Variants in EYA1 observed in about 807,000 individuals in gnomAD.
EYA1 encodes protein phosphatase EYA1.
In EYA1, 16 loss-of-function variants were observed where a neutral mutation model predicts 82.0. That is an observed-to-expected ratio of 0.20 (90% CI 0.13 to 0.30). EYA1 has a LOEUF of 0.30. Among genes scored for constraint, EYA1 ranks in the 10% least tolerant of loss-of-function variants. The pLI is 1.00. For missense variants in EYA1, 633 were observed against 730.7 expected, an observed-to-expected ratio of 0.87 and a Z score of 1.54; for synonymous variants, 261 against 264.4, an observed-to-expected ratio of 0.99 and a Z score of 0.12.
chr8:71,249,370 G>A (rs192981476), intron 11 of EYA1, among the ~76,000 whole-genome samples: 1 of 152,108 alleles, frequency 6.6e-6, no homozygotes, highest in African/African-American at 2.4e-5. Context: ...GAGGCCTCAG[G>A]AAACCTACAA....
chr8:71,282,599 C>G (rs1024347095), intron 9 of EYA1, among the ~76,000 whole-genome samples: 3 of 152,178 alleles, frequency 2.0e-5, no homozygotes, highest in African/African-American at 7.2e-5. Flanking sequence ...CTCTGAAAGG[C>G]CCTTTTCTCA....
intron 8 of EYA1, 134 bp downstream of exon 8, chr8:71,299,496 AAGACTGCT>A (rs1218662491): frequency 1.4e-6 from 1 of 707,102 alleles, no homozygotes; most frequent in Non-Finnish European, 2.5e-6. Context: ...CTCACCACAA[AAGACTGCT>A]AAAGTGAATT....
intron 17 of EYA1, among the ~76,000 whole-genome samples, chr8:71,207,138 G>A (rs1380529268): frequency 6.6e-6 from 1 of 152,192 alleles, no homozygotes; most frequent in Non-Finnish European, 1.5e-5. Flanking sequence ...GTTTTCATAT[G>A]TAGTTTTAAA....
At chr8:71,408,173 G>C (rs1054247064) in intron 2 of EYA1, among the ~76,000 whole-genome samples, 2 of 151,948 alleles carry the variant, frequency 1.3e-5, no homozygotes, top group African/African-American at 4.8e-5. Context: ...AGCAAATGCT[G>C]AGAGATTTTG....
intron 2 of EYA1, among the ~76,000 whole-genome samples, chr8:71,427,015 C>T (rs1055136922): frequency 2.2e-4 from 34 of 152,162 alleles, no homozygotes; most frequent in African/African-American, 7.7e-4. Flanking sequence ...TAGTATAAAT[C>T]ATGGTAACAA....
intron 11 of EYA1, among the ~76,000 whole-genome samples, chr8:71,245,835 G>A (rs1813023937): frequency 6.6e-6 from 1 of 152,278 alleles, no homozygotes; most frequent in South Asian, 2.1e-4. Flanking sequence ...ACATGACACT[G>A]TACGGGCATC....
intron 2 of EYA1, among the ~76,000 whole-genome samples, chr8:71,465,637 C>T (rs992867909): frequency 6.6e-6 from 1 of 151,934 alleles, no homozygotes; most frequent in Non-Finnish European, 1.5e-5. Flanking sequence ...AATAAATAAA[C>T]AAATAAAATG....
intron 2 of EYA1, among the ~76,000 whole-genome samples, chr8:71,463,348 A>G (rs1808509821): frequency 1.3e-5 from 2 of 152,220 alleles, no homozygotes; most frequent in East Asian, 1.9e-4. Context: ...GTGTCTATAG[A>G]CAATAGAATG....
intron 2 of EYA1, among the ~76,000 whole-genome samples, chr8:71,485,668 A>AT (rs573757001): frequency 1.8e-4 from 27 of 151,938 alleles, no homozygotes; most frequent in East Asian, 1.5e-3. Context: ...TTTATATTGT[A>AT]TTTTTTTTAA....
At chr8:71,407,385 A>G (rs1274907013) in intron 2 of EYA1, among the ~76,000 whole-genome samples, 1 of 144,062 alleles carries the variant, frequency 6.9e-6, no homozygotes, top group Non-Finnish European at 1.5e-5. Context: ...AATGACTTTG[A>G]CGAGCTGAGA....
chr8:71,311,285 A>AT (rs1438638426), intron 7 of EYA1, among the ~76,000 whole-genome samples: 12 of 152,334 alleles, frequency 7.9e-5, no homozygotes, highest in African/African-American at 2.9e-4. Flanking sequence ...AAGGTTATTT[A>AT]TGACACACTG....
intron 2 of EYA1, among the ~76,000 whole-genome samples, chr8:71,453,678 T>C (rs1224475380): frequency 6.6e-6 from 1 of 152,104 alleles, no homozygotes; most frequent in South Asian, 2.1e-4. Flanking sequence ...CTAAGCTTCA[T>C]AAGTGAAGGA....
At chr8:71,358,443 G>T (rs1382559140) in intron 1 of EYA1, among the ~76,000 whole-genome samples, 1 of 152,102 alleles carries the variant, frequency 6.6e-6, no homozygotes, top group African/African-American at 2.4e-5. Context: ...GTGTCTCAGG[G>T]ATTATTTAAA....
At chr8:71,315,813 C>T (rs557382161) in intron 7 of EYA1, among the ~76,000 whole-genome samples, 109 of 152,294 alleles carry the variant, frequency 7.2e-4, no homozygotes, top group African/African-American at 2.5e-3. Context: ...TATCCTTCTA[C>T]CAATAAATGC....
chr8:71,453,806 CT>C (rs1455045076), intron 2 of EYA1, among the ~76,000 whole-genome samples: 2 of 152,174 alleles, frequency 1.3e-5, no homozygotes, highest in African/African-American at 4.8e-5. Flanking sequence ...GTACGAGCCA[CT>C]GCAAAAATAT....
intron 2 of EYA1, among the ~76,000 whole-genome samples, chr8:71,406,651 T>C (rs1049075458): frequency 2.0e-5 from 3 of 152,200 alleles, no homozygotes; most frequent in Non-Finnish European, 4.4e-5. Context: ...CACCCGAATA[T>C]TGCGCTTTTC....
At chr8:71,470,888 G>A (rs1440075988) in intron 2 of EYA1, 8 of 455,342 alleles carry the variant, frequency 1.8e-5, no homozygotes, top group Non-Finnish European at 3.5e-5. Flanking sequence ...TGCTGCTGTG[G>A]TTGCTCCAAA....
intron 9 of EYA1, among the ~76,000 whole-genome samples, chr8:71,285,651 A>G (rs1022827641): frequency 6.6e-6 from 1 of 152,250 alleles, no homozygotes; most frequent in Non-Finnish European, 1.5e-5. Context: ...CAGTTATATG[A>G]AAACATGAAG....
intron 4 of EYA1, among the ~76,000 whole-genome samples, chr8:71,331,949 G>A (rs948212133): frequency 2.2e-4 from 33 of 152,282 alleles, no homozygotes; most frequent in Middle Eastern, 3.4e-3. Flanking sequence ...CTGGGCTCAA[G>A]TGATCTTCCA....
Sources: gnomAD v4.1 joint callset for allele counts (sites outside exome capture counted in the v4.1 genomes callset) on GRCh38, gnomAD v4.1.1 for gene constraint, MANE v1.5 for transcripts, NCBI Gene and HGNC (gene_info 2026-07-23, HGNC 2026-07-21) for gene names.